The following TLCD3B variants were observed in gnomAD, a reference collection of about 807,000 sequenced individuals.
TLCD3B encodes TLC domain containing 3B.
Under a neutral mutation model 23.0 loss-of-function variants are expected in TLCD3B, and 9 were observed. That is an observed-to-expected ratio of 0.39 (90% CI 0.24 to 0.68). The LOEUF is 0.68. Among genes scored for constraint, TLCD3B ranks in the 30% least tolerant of loss-of-function variants. The pLI, the probability that TLCD3B is intolerant of heterozygous loss-of-function variation, is 0.44. For missense variants in TLCD3B, 307 were observed against 371.8 expected (o/e 0.83, Z 1.43); for synonymous variants, 161 against 161.0 (o/e 1.00, Z 0.00).
upstream of TLCD3B, chr16:30,035,313 T>G: frequency 7.8e-7 from 1 of 1,287,598 alleles, no homozygotes; most frequent in Non-Finnish European, 1.0e-6. Context: ...CCACCAGCCA[T>G]GGCCCCAGGA....
At chr16:30,035,754 CTTTTCTT>C (rs1304865462), upstream of TLCD3B, among the ~76,000 whole-genome samples, 2 of 142,520 alleles carry the variant, frequency 1.4e-5, no homozygotes, top group African/African-American at 2.7e-5. Context: ...CTTTTCTTTT[CTTTTCTT>C]TTTTCTTTTT....
At chr16:30,037,295 C>A (rs2071492614) in intron 3 of TLCD3B, among the ~76,000 whole-genome samples, 1 of 151,618 alleles carries the variant, frequency 6.6e-6, no homozygotes, top group Non-Finnish European at 1.5e-5. Flanking sequence ...GTAATCCCAG[C>A]ACTTTGGGAG....
intron 3 of TLCD3B, among the ~76,000 whole-genome samples, chr16:30,036,993 G>A (rs2071486162): frequency 2.0e-5 from 3 of 151,910 alleles, no homozygotes; most frequent in Non-Finnish European, 2.9e-5. Flanking sequence ...GCTGAGGCAG[G>A]AGAATCGCTT....
intron 1 of TLCD3B, among the ~76,000 whole-genome samples, chr16:30,050,953 G>T (rs898608270): frequency 5.3e-5 from 8 of 152,196 alleles, no homozygotes; most frequent in African/African-American, 1.9e-4. Flanking sequence ...TGCATGTGTG[G>T]GTGTGTGCAA....
At chr16:30,026,989 A>C (rs2150977168) in intron 2 of TLCD3B, 146 bp from the exon 3 acceptor site, 3 of 730,110 alleles carry the variant, frequency 4.1e-6, no homozygotes, top group Non-Finnish European at 7.3e-6. Flanking sequence ...GAGGGTGAGA[A>C]ACTTGCCCAA....
rs906719952 is a variant in TLCD3B at position 30,025,212 on chromosome 16, G to T, written c.796C>A (p.Pro266Thr). ...TCCTGGGCCTGGCAGGCCGGGGGCG[G>T]CCGGGAGCGGGGCCAGAAGAGGCGG... ...ACRLFWPRSRPPPACQAQD is the reference protein window; with the variant it reads ...ACRLFWPRSRTPPACQAQD The change falls in exon 5 of 5, where the codon CCG becomes ACG. Residue 266 changes from proline to threonine, a missense_variant. By Grantham distance (38) the Pro-to-Thr change is conservative (BLOSUM62 -1). Transcript: ENST00000380495. This position sits in a 1 kb window ranked among gnomAD's most constrained non-coding sequence, Gnocchi z 4.1. 2.0e-6 allele frequency: 3 copies of T among 1,496,696 alleles called. No individual in the cohort carries two copies. Among genetic ancestry groups the T allele is most frequent in the African/African-American group, 1.4e-5 (1 of 70,402 alleles). 92.7% of individuals were successfully genotyped at this position (1,496,696 alleles called of 1,614,324 possible).
At chr16:30,045,019 G>C (rs2150996803) in intron 2 of TLCD3B, among the ~76,000 whole-genome samples, 1 of 145,424 alleles carries the variant, frequency 6.9e-6, no homozygotes, top group East Asian at 2.1e-4. Context: ...CTTGAACCCA[G>C]GAGGTGGAGA....
intron 2 of TLCD3B, among the ~76,000 whole-genome samples, chr16:30,045,263 G>A (rs2071645208): frequency 1.3e-5 from 2 of 150,930 alleles, no homozygotes; most frequent in Non-Finnish European, 3.0e-5. Context: ...TGTGGTGTGT[G>A]TGTGATGTGT....
chr16:30,045,871 A>C (rs1266871981), intron 2 of TLCD3B, among the ~76,000 whole-genome samples: 1 of 152,066 alleles, frequency 6.6e-6, no homozygotes, highest in Non-Finnish European at 1.5e-5. Flanking sequence ...GAGACACACC[A>C]GCCTGTCCTG....
intron 3 of TLCD3B, among the ~76,000 whole-genome samples, chr16:30,038,211 G>T (rs2071509523): frequency 6.6e-6 from 1 of 152,142 alleles, no homozygotes; most frequent in Admixed American, 6.5e-5. Context: ...CATCTGTGAG[G>T]TTGGGTTAAT....
At position 30,029,985 on chromosome 16, in the gene TLCD3B, TC is replaced by T; in HGVS notation, c.125+417del. The T allele has an allele frequency of 7.7e-7, 1 of 1,294,012 alleles. No individual in the cohort carries two copies. The highest frequency in any genetic ancestry group is 1.2e-5 in the South Asian group (1 of 80,620). The allele number at this position is 1,294,012 out of a possible 1,614,324, so 80.2% of individuals were successfully genotyped here. On this transcript the variant is annotated intron_variant, in intron 1 of 4. Transcript: ENST00000380495. This position sits in a 1 kb window ranked among gnomAD's most constrained non-coding sequence, Gnocchi z 4.6. ...TCTCCTGACTGCCACCAGCCTCCACTCTGCACTCTGGCCCTGTTCTAGGGGT... is the reference window on the plus strand; with the variant it reads ...TCTCCTGACTGCCACCAGCCTCCACTTGCACTCTGGCCCTGTTCTAGGGGT...
intron 2 of TLCD3B, among the ~76,000 whole-genome samples, chr16:30,045,092 C>CAAAAAAAAAAAAA (rs1162281544): frequency 2.1e-3 from 46 of 22,222 alleles, no homozygotes; most frequent in Non-Finnish European, 2.7e-3. Context: ...GACTCCATCT[C>CAAAAAAAAAAAAA]AAAAAAAAAA....
intron 1 of TLCD3B, among the ~76,000 whole-genome samples, chr16:30,047,276 A>T (rs1012242685): frequency 3.3e-5 from 5 of 152,068 alleles, no homozygotes; most frequent in African/African-American, 1.2e-4. Flanking sequence ...AGCTGGGGCT[A>T]CAAGCATGTG....
At chr16:30,041,431 G>A (rs1160152677) in intron 2 of TLCD3B, among the ~76,000 whole-genome samples, 1 of 151,814 alleles carries the variant, frequency 6.6e-6, no homozygotes, top group African/African-American at 2.4e-5. Flanking sequence ...ATGCTACCAC[G>A]CCTGGCTAAT....
chr16:30,045,424 A>AGTGT (rs1346873822), intron 2 of TLCD3B, among the ~76,000 whole-genome samples: 2 of 74,186 alleles, frequency 2.7e-5, no homozygotes, highest in South Asian at 8.9e-4. Flanking sequence ...GTGTTTGTGT[A>AGTGT]GTGTGTGTGG....
chr16:30,052,710 T>TAAAG (rs2071785805), intron 1 of TLCD3B: 1 of 149,858 alleles, frequency 6.7e-6, no homozygotes, highest in Non-Finnish European at 1.5e-5. Context: ...AATAAATAAA[T>TAAAG]AAATAAATAA....
chr16:30,045,097 A>AAAG lies in TLCD3B; in HGVS notation c.-229+1225_-229+1226insCTT, dbSNP rs1275495422. ...GACAAAGCAAGACTCCATCTCAAAAAAAAAAAAAAAAAAAAAAAAAAAGAA... is the reference window on the plus strand; with the variant it reads ...GACAAAGCAAGACTCCATCTCAAAAAAAGAAAAAAAAAAAAAAAAAAAAAAGAA... On this transcript the variant is annotated intron_variant, in intron 2 of 6. Coordinates refer to the TLCD3B transcript ENST00000561666. 2.0e-5 allele frequency among the ~76,000 whole-genome samples: 3 copies of AAAG among 149,158 alleles called. No individual in the cohort carries two copies. In the East Asian group the frequency reaches 6.2e-4, roughly 31 times the overall value.
rs994660419 is a variant in TLCD3B at position 30,029,151 on chromosome 16, G to A, written c.209+281C>T. Among the ~76,000 whole-genome samples the A allele has an allele frequency of 6.6e-6, 1 of 152,166 alleles. No homozygotes were observed. The highest frequency in any genetic ancestry group is 2.4e-5 in the African/African-American group (1 of 41,432). The stretch of plus-strand genomic sequence containing the variant: ...GGGTGGAAGGCAGGGAGGAGGTGGG[G>A]AACCACGACAACACGGGAGACCTGG... On this transcript the variant is annotated intron_variant, in intron 2 of 4. Transcript: ENST00000380495. The surrounding 1 kb of genome is among the most constrained non-coding windows in gnomAD (Gnocchi z 4.6).
chr16:30,025,183 T>C lies in TLCD3B; in HGVS notation c.825A>G (p.Ter275TrpextTer53). Residue 275 changes from the stop codon to tryptophan (W), a stop_lost, in exon 5 of 5, where the codon TGA (stop) becomes TGG (tryptophan). Transcript: ENST00000380495. This position sits in a 1 kb window ranked among gnomAD's most constrained non-coding sequence, Gnocchi z 4.1. ...AGGGGGAGGGTCCCGGCCCCCGGCC[T>C]CAGTCCTGGGCCTGGCAGGCCGGGG... Reference protein sequence around the residue: ...RPPPACQAQD* With the variant: ...RPPPACQAQDW 4 of 1,450,284 alleles carry C rather than the reference T, an allele frequency of 2.8e-6. No homozygotes were observed. The highest frequency in any genetic ancestry group is 3.6e-6 in the Non-Finnish European group (4 of 1,105,484). The allele number at this position is 1,450,284 out of a possible 1,614,324, so 89.8% of individuals were successfully genotyped here. A position where few individuals can be genotyped will look rare whatever the true frequency, so the allele number is the denominator to read the frequency against.
Sources: allele counts gnomAD v4.1 joint callset (sites outside exome capture counted in the v4.1 genomes callset), GRCh38; gene constraint gnomAD v4.1.1; non-coding constraint Gnocchi (gnomAD v3.1); transcripts MANE v1.5; gene names NCBI Gene and HGNC (gene_info 2026-07-23, HGNC 2026-07-21).